Variants in DNAJC21 observed in about 807,000 individuals in gnomAD.
DNAJC21 encodes the protein dnaJ homolog subfamily C member 21.
Under a neutral mutation model 72.4 loss-of-function variants are expected in DNAJC21, and 63 were observed. The ratio of observed to expected loss-of-function variants is 0.87; its 90% CI spans 0.71 to 1.07. The LOEUF (loss-of-function observed/expected upper bound fraction) is 1.07. Among genes scored for constraint, DNAJC21 ranks in the 50% least tolerant of loss-of-function variants. The pLI, the probability that DNAJC21 is intolerant of heterozygous loss-of-function variation, is 0.00. For missense variants in DNAJC21, 634 were observed against 644.8 expected, an observed-to-expected ratio of 0.98 and a Z score of 0.18; for synonymous variants, 203 against 216.7, an observed-to-expected ratio of 0.94 and a Z score of 0.56.
chr5:34,947,344 G>GT (rs1765202515), intron 9 of DNAJC21, among the ~76,000 whole-genome samples: 1 of 152,130 alleles, frequency 6.6e-6, no homozygotes, highest in Admixed American at 6.5e-5. Context: ...AATTTAGTAT[G>GT]TTTTTTGGTG....
chr5:34,943,489 A>G (rs1443710903), intron 7 of DNAJC21, among the ~76,000 whole-genome samples: 2 of 152,186 alleles, frequency 1.3e-5, no homozygotes, highest in Admixed American at 6.5e-5. Flanking sequence ...CACCCAATCA[A>G]GGTGTCATCT....
chr5:34,938,409 G>C (rs1401214863), intron 5 of DNAJC21, among the ~76,000 whole-genome samples: 2 of 152,124 alleles, frequency 1.3e-5, no homozygotes, highest in Non-Finnish European at 2.9e-5. Flanking sequence ...ACTGCCTTTT[G>C]GTCAGTGTAC....
chr5:34,953,687 C>T (rs1324234899), intron 10 of DNAJC21: 1 of 395,562 alleles, frequency 2.5e-6, no homozygotes, highest in Non-Finnish European at 4.5e-6. Context: ...AACTTTGTTT[C>T]AACTGTTTTA....
chr5:34,929,985 C>T (rs1580518702), intron 1 of DNAJC21, 69 bp downstream of exon 1: 22 of 1,270,788 alleles, frequency 1.7e-5, no homozygotes, highest in Admixed American at 7.6e-5. Flanking sequence ...TTCCCTTCCC[C>T]CGGGCGGACT....
At chr5:34,940,335 G>C (rs1764945538) in intron 6 of DNAJC21, among the ~76,000 whole-genome samples, 1 of 151,738 alleles carries the variant, frequency 6.6e-6, no homozygotes. Context: ...CACTAGATAG[G>C]GTATATTTTG....
chr5:34,933,717 C>T (rs767587598), intron 1 of DNAJC21, 98 bp from the exon 2 acceptor site: 8 of 824,610 alleles, frequency 9.7e-6, no homozygotes, highest in South Asian at 3.4e-5. Context: ...TTGTTTTGTG[C>T]ACGTCTCATC....
intron 2 of DNAJC21, among the ~76,000 whole-genome samples, chr5:34,934,449 T>C (rs901047563): frequency 2.0e-5 from 3 of 151,594 alleles, no homozygotes; most frequent in African/African-American, 7.3e-5. Context: ...CAGGCTGGTC[T>C]CAAACTCCTG....
At chr5:34,938,504 G>C (rs1262126945) in intron 5 of DNAJC21, among the ~76,000 whole-genome samples, 2 of 152,176 alleles carry the variant, frequency 1.3e-5, no homozygotes, top group African/African-American at 4.8e-5. Flanking sequence ...GAGCATTATA[G>C]CATACTTTTA....
intron 10 of DNAJC21, 169 bp downstream of exon 10, chr5:34,950,511 C>T (rs1350817741): frequency 8.6e-6 from 11 of 1,272,374 alleles, no homozygotes; most frequent in African/African-American, 1.5e-5. Flanking sequence ...AGATGAAGAG[C>T]GTTGAGAAGA....
intron 4 of DNAJC21, among the ~76,000 whole-genome samples, chr5:34,936,721 C>CT (rs1764792298): frequency 6.6e-6 from 1 of 152,114 alleles, no homozygotes; most frequent in South Asian, 2.1e-4. Context: ...AACCTTCCCC[C>CT]TTTACTTTTC....
At chr5:34,952,904 A>G (rs895787812) in intron 10 of DNAJC21, among the ~76,000 whole-genome samples, 2 of 152,108 alleles carry the variant, frequency 1.3e-5, no homozygotes, top group African/African-American at 4.8e-5. Context: ...TATTCCCAGC[A>G]CTTTGGAAAG....
Position 34,929,863 on chromosome 5 carries a change from G to C in DNAJC21, c.44G>C (p.Ser15Thr). ...YEALGVRRDA[S>T]EEELKKAYRK... ...GCGCTGGGGGTGCGGCGCGACGCCA[G>C]CGAGGAGGAGCTCAAGAAGGCCTAT... is the stretch of plus-strand genomic sequence containing the variant. Residue 15 changes from serine to threonine, a missense_variant, in exon 1 of 12, where the codon AGC (serine) becomes ACC (threonine). Physicochemically the swap from Ser to Thr is moderately conservative, Grantham distance 58. Transcript: ENST00000648817. 6.3e-7 allele frequency: 1 copy of C among 1,579,326 alleles called. No individual in the cohort carries two copies. Among genetic ancestry groups the C allele is most frequent in the Non-Finnish European group, 8.6e-7 (1 of 1,163,618 alleles).
At chr5:34,931,594 C>G (rs1313030874) in intron 1 of DNAJC21, among the ~76,000 whole-genome samples, 2 of 151,928 alleles carry the variant, frequency 1.3e-5, no homozygotes, top group Non-Finnish European at 2.9e-5. Context: ...GATTGTATTT[C>G]TTGTAATCTT....
At chr5:34,952,682 A>T (rs953595980) in intron 10 of DNAJC21, 14 of 152,178 alleles carry the variant, frequency 9.2e-5, no homozygotes, top group Admixed American at 3.9e-4. Flanking sequence ...TTCTGATCTA[A>T]ATGGTATGGT....
chr5:34,939,884 C>T (rs904539560), intron 6 of DNAJC21, among the ~76,000 whole-genome samples: 8 of 152,090 alleles, frequency 5.3e-5, no homozygotes, highest in Admixed American at 3.9e-4. Context: ...TTTTCAGATT[C>T]GTAGCCCAAA....
At chr5:34,934,229 C>T (rs946514574) in intron 2 of DNAJC21, among the ~76,000 whole-genome samples, 1 of 151,882 alleles carries the variant, frequency 6.6e-6, no homozygotes, top group Non-Finnish European at 1.5e-5. Flanking sequence ...AGAAGGTTTT[C>T]GTTTTTTGTT....
rs1292832897 is a variant in DNAJC21 at position 34,933,805 on chromosome 5, A to G, written c.98-10A>G. 6.2e-7 allele frequency: 1 copy of G among 1,611,226 alleles called. No homozygotes were observed. The highest frequency in any genetic ancestry group is 8.5e-7 in the Non-Finnish European group (1 of 1,178,496). On this transcript the variant is annotated splice_polypyrimidine_tract_variant and intron_variant, in intron 1 of 11. Transcript: ENST00000648817. ...TTTTTGATTGACTTAAATTTCTGTG[A>G]CTTTAACAGATAAAAATCTGGATAA...
At chr5:34,940,952 C>T (rs1028133083) in intron 6 of DNAJC21, 144 bp from the exon 7 acceptor site, 22 of 652,680 alleles carry the variant, frequency 3.4e-5, no homozygotes, top group Admixed American at 5.7e-5. Flanking sequence ...TAGTACAGTG[C>T]TGCTTTTAAA....
chr5:34,934,394 ATT>A (rs375582769), intron 2 of DNAJC21, among the ~76,000 whole-genome samples: 14 of 134,446 alleles, frequency 1.0e-4, no homozygotes, highest in Admixed American at 3.0e-4. Flanking sequence ...ACACACCTGT[ATT>A]TTTTTTTTTT....
Sources: gnomAD v4.1 joint callset for allele counts (sites outside exome capture counted in the v4.1 genomes callset) on GRCh38, gnomAD v4.1.1 for gene constraint, MANE v1.5 for transcripts, NCBI Gene and HGNC (gene_info 2026-07-23, HGNC 2026-07-21) for gene names.